NLGN1: variants seen among roughly 807,000 people sequenced by gnomAD.
The protein encoded by NLGN1 is neuroligin 1, also known as neuroligin-1.
Under a neutral mutation model 65.5 loss-of-function variants are expected in NLGN1, and 12 were observed. That is an observed-to-expected ratio of 0.18 (90% CI 0.12 to 0.30). The LOEUF is 0.30. Among genes scored for constraint, NLGN1 ranks in the 10% least tolerant of loss-of-function variants. The pLI is 1.00. For synonymous variants in NLGN1, 350 were observed against 359.5 expected, an observed-to-expected ratio of 0.97 and a Z score of 0.30; for missense variants, 750 against 1,007.1, an observed-to-expected ratio of 0.74 and a Z score of 3.46.
At chr3:173,589,734 C>A (rs1342105818) in intron 2 of NLGN1, among the ~76,000 whole-genome samples, 1 of 152,146 alleles carries the variant, frequency 6.6e-6, no homozygotes, top group Non-Finnish European at 1.5e-5. Context: ...AATTGATATA[C>A]TGTTTTTTAT....
intron 2 of NLGN1, among the ~76,000 whole-genome samples, chr3:173,491,498 A>G (rs962903961): frequency 2.6e-5 from 4 of 151,956 alleles, no homozygotes; most frequent in African/African-American, 9.7e-5. Flanking sequence ...TCGGTTTGCC[A>G]GTATGTTACT....
Position 173,922,737 on chromosome 3 carries a change from A to T in NLGN1, c.646+114905A>T, listed in dbSNP as rs372283267. Among the ~76,000 whole-genome samples the T allele has an allele frequency of 8.5e-5, 13 of 152,228 alleles. No homozygotes were observed. The East Asian group carries it at 1.4e-3, about 16-fold the overall frequency. The stretch of plus-strand genomic sequence containing the variant: ...AGTTAACTACTTTGGCTTCTATTCT[A>T]ATGCCATGTGTCGTCTCTGGAAAGC... On this transcript the variant is annotated intron_variant, in intron 4 of 6. Transcript: ENST00000457714.
At chr3:173,905,929 T>A (rs1738295301) in intron 4 of NLGN1, among the ~76,000 whole-genome samples, 1 of 152,216 alleles carries the variant, frequency 6.6e-6, no homozygotes, top group Admixed American at 6.5e-5. Context: ...ACTAGGAGAT[T>A]GAGGTCTACT....
chr3:174,163,792 C>T (rs1258336965), intron 4 of NLGN1, among the ~76,000 whole-genome samples: 1 of 152,056 alleles, frequency 6.6e-6, no homozygotes, highest in East Asian at 1.9e-4. Flanking sequence ...CATAATATTC[C>T]ATGGCATATA....
intron 2 of NLGN1, among the ~76,000 whole-genome samples, chr3:173,588,553 C>T (rs1368390617): frequency 1.3e-5 from 2 of 152,140 alleles, no homozygotes; most frequent in South Asian, 2.1e-4. Flanking sequence ...TGAATCATTC[C>T]AGGAGTTTGA....
intron 2 of NLGN1, among the ~76,000 whole-genome samples, chr3:173,450,142 A>G (rs1721206494): frequency 6.6e-6 from 1 of 152,148 alleles, no homozygotes; most frequent in African/African-American, 2.4e-5. Context: ...TAGTTGATGC[A>G]GTTTCTTTCT....
chr3:173,697,256 G>A (rs1034989866), intron 3 of NLGN1, among the ~76,000 whole-genome samples: 9 of 152,170 alleles, frequency 5.9e-5, no homozygotes. Flanking sequence ...GGATATGCTT[G>A]GGAGTGTGTC....
intron 4 of NLGN1, among the ~76,000 whole-genome samples, chr3:174,272,646 TATGGATGG>T (rs149767908): frequency 0.037 from 5,413 of 145,254 alleles, 137 homozygotes; most frequent in African/African-American, 0.055. Flanking sequence ...CAGATGATGA[TATGGATGG>T]ATGGATGGAT....
intron 2 of NLGN1, among the ~76,000 whole-genome samples, chr3:173,485,045 C>T (rs1277226562): frequency 1.4e-5 from 2 of 142,704 alleles, no homozygotes; most frequent in African/African-American, 2.6e-5. Flanking sequence ...GTTCCACATG[C>T]TTGGGGAGGC....
chr3:174,274,646 C>T (rs1750176640), intron 4 of NLGN1, among the ~76,000 whole-genome samples: 1 of 113,022 alleles, frequency 8.8e-6, no homozygotes, highest in African/African-American at 3.6e-5. Flanking sequence ...TATTCTACAC[C>T]ATTTCCTAAT....
chr3:173,754,361 G>A (rs1159384000), intron 3 of NLGN1, among the ~76,000 whole-genome samples: 1 of 151,972 alleles, frequency 6.6e-6, no homozygotes, highest in Non-Finnish European at 1.5e-5. Context: ...TCCTTAAAAT[G>A]TCCTCATATT....
chr3:173,430,257 C>T (rs1335071895), intron 1 of NLGN1, among the ~76,000 whole-genome samples: 1 of 152,122 alleles, frequency 6.6e-6, no homozygotes, highest in African/African-American at 2.4e-5. Flanking sequence ...GGAGTCATCA[C>T]ATCCTCAGTT....
intron 4 of NLGN1, among the ~76,000 whole-genome samples, chr3:174,202,475 C>T (rs941350997): frequency 2.6e-5 from 4 of 151,912 alleles, no homozygotes; most frequent in African/African-American, 4.8e-5. Context: ...AAATAAAACC[C>T]TGAAAAATAG....
At chr3:173,510,516 T>C (rs370853527) in intron 2 of NLGN1, among the ~76,000 whole-genome samples, 2 of 152,226 alleles carry the variant, frequency 1.3e-5, no homozygotes, top group South Asian at 2.1e-4. Flanking sequence ...TCATTTGCTA[T>C]TGGCATTGTT....
intron 4 of NLGN1, among the ~76,000 whole-genome samples, chr3:174,075,742 A>G (rs932784602): frequency 1.3e-5 from 2 of 152,228 alleles, no homozygotes; most frequent in African/African-American, 4.8e-5. Flanking sequence ...GAAAAATGAA[A>G]AGGACATAAA....
intron 3 of NLGN1, among the ~76,000 whole-genome samples, chr3:173,667,493 C>A (rs1761873007): frequency 1.3e-5 from 2 of 152,022 alleles, no homozygotes; most frequent in African/African-American, 4.8e-5. Flanking sequence ...TGATGAAAAC[C>A]AAATAATTAC....
chr3:173,795,462 A>G (rs1259109135), intron 3 of NLGN1, among the ~76,000 whole-genome samples: 1 of 152,128 alleles, frequency 6.6e-6, no homozygotes, highest in African/African-American at 2.4e-5. Flanking sequence ...AAATATAGTA[A>G]TATCAAATTA....
At chr3:174,131,330 T>A (rs540127167) in intron 4 of NLGN1, among the ~76,000 whole-genome samples, 13 of 152,330 alleles carry the variant, frequency 8.5e-5, no homozygotes, top group Middle Eastern at 3.4e-3. Flanking sequence ...CAAAATGATT[T>A]GTATAAACGT....
At chr3:173,540,813 T>C (rs1390021842) in intron 2 of NLGN1, among the ~76,000 whole-genome samples, 3 of 152,216 alleles carry the variant, frequency 2.0e-5, no homozygotes, top group African/African-American at 7.2e-5. Flanking sequence ...GTGCATATTT[T>C]AATATGACAC....
Sources: allele counts gnomAD v4.1 joint callset (sites outside exome capture counted in the v4.1 genomes callset), GRCh38; gene constraint gnomAD v4.1.1; transcripts MANE v1.5; gene names NCBI Gene and HGNC (gene_info 2026-07-23, HGNC 2026-07-21).